SNTN: variants seen among roughly 807,000 people sequenced by gnomAD.
SNTN encodes the protein sentan.
Under a neutral mutation model 12.3 loss-of-function variants are expected in SNTN, and 13 were observed. The observed-to-expected ratio is 1.05, with a 90% CI of 0.69 to 1.67. SNTN has a LOEUF of 1.67. Ranked by LOEUF, SNTN falls within the 40% of genes most tolerant of loss-of-function variation. The probability of loss-of-function intolerance (pLI) is 0.00; values close to 1 mark genes in which losing one functional copy is unlikely to be tolerated. For synonymous variants in SNTN, 69 were observed against 58.5 expected, an observed-to-expected ratio of 1.18 and a Z score of -0.82; for missense variants, 189 against 169.8, an observed-to-expected ratio of 1.11 and a Z score of -0.63.
Position 63,659,946 on chromosome 3 carries a change from C to G in SNTN, c.285+82C>G, listed in dbSNP as rs1260143673. 2.0e-6 allele frequency: 3 copies of G among 1,524,906 alleles called. No individual in the cohort carries two copies. In the African/African-American group the frequency reaches 4.1e-5, roughly 21 times the overall value. The allele number at this position is 1,524,906 out of a possible 1,614,324, so 94.5% of individuals were successfully genotyped here. A position where few individuals can be genotyped will look rare whatever the true frequency, so the allele number is the denominator to read the frequency against. On this transcript the variant is annotated intron_variant, in intron 3 of 3. Coordinates refer to ENST00000343837, the MANE Select transcript of SNTN (RefSeq NM_001080537.2). ...TGAGCAAATAACTCCAGCTCCAGGT[C>G]CCTGTCATGTTGTCTCACGTAACAA...
intron 3 of SNTN, among the ~76,000 whole-genome samples, chr3:63,663,171 T>C (rs993846173): frequency 3.3e-5 from 5 of 152,160 alleles, no homozygotes; most frequent in Admixed American, 3.3e-4. Context: ...AAAGGCAGAA[T>C]AGCTTAGCAG....
chr3:63,664,765 A>ATTTTG lies in SNTN; in HGVS notation c.*671_*675dup. On this transcript the variant is annotated 3_prime_UTR_variant, in exon 4 of 4. Coordinates refer to ENST00000343837, the MANE Select transcript of SNTN (RefSeq NM_001080537.2). ...ATTTTATTTTATTTTATTTTATTTT[A>ATTTTG]TTTTGAGACAGAGTTTTGCTCTTGT... 1 of 142,372 alleles carries ATTTTG rather than the reference A, an allele frequency of 7.0e-6. No homozygotes were observed. The highest frequency in any genetic ancestry group is 2.1e-4 in the South Asian group (1 of 4,692). 8.8% of individuals were successfully genotyped at this position (142,372 alleles called of 1,614,324 possible).
intron 3 of SNTN, chr3:63,663,708 CT>C (rs1356411823): frequency 1.5e-6 from 1 of 652,984 alleles, no homozygotes; most frequent in Admixed American, 2.1e-5. Flanking sequence ...TCCCCTTCAC[CT>C]TCTACCATGA....
intron 3 of SNTN, among the ~76,000 whole-genome samples, chr3:63,663,328 A>G (rs1161204449): frequency 2.0e-5 from 3 of 152,188 alleles, no homozygotes; most frequent in Non-Finnish European, 4.4e-5. Flanking sequence ...ATATTCAATA[A>G]GGTCACTATG....
At chr3:63,656,591 T>A (rs1486146109) in intron 2 of SNTN, among the ~76,000 whole-genome samples, 1 of 152,232 alleles carries the variant, frequency 6.6e-6, no homozygotes, top group African/African-American at 2.4e-5. Flanking sequence ...AAATTAACTT[T>A]TACCTGTTTA....
intron 2 of SNTN, among the ~76,000 whole-genome samples, chr3:63,658,810 CATT>C (rs1700710576): frequency 6.6e-6 from 1 of 152,152 alleles, no homozygotes; most frequent in Non-Finnish European, 1.5e-5. Context: ...TTGAAACTGT[CATT>C]GTTGCACATT....
At chr3:63,661,651 T>C (rs1700744989) in intron 3 of SNTN, among the ~76,000 whole-genome samples, 1 of 148,852 alleles carries the variant, frequency 6.7e-6, no homozygotes, top group Non-Finnish European at 1.5e-5. Flanking sequence ...AACATGTATT[T>C]TTCTGATTTT....
At chr3:63,654,855 T>C (rs1700659402) in intron 2 of SNTN, 59 bp downstream of exon 2, 1 of 1,485,854 alleles carries the variant, frequency 6.7e-7, no homozygotes, top group African/African-American at 1.5e-5. Flanking sequence ...GCATGCCAAG[T>C]GTTAAAAAAA....
intron 2 of SNTN, among the ~76,000 whole-genome samples, chr3:63,658,047 C>T (rs548363045): frequency 6.6e-6 from 1 of 152,200 alleles, no homozygotes; most frequent in Non-Finnish European, 1.5e-5. Context: ...TTCCTTTACA[C>T]GGCCTACAAG....
chr3:63,654,270 G>A (rs1236718352), intron 1 of SNTN, among the ~76,000 whole-genome samples: 1 of 152,188 alleles, frequency 6.6e-6, no homozygotes, highest in Non-Finnish European at 1.5e-5. Context: ...AAACTTCAAA[G>A]TCTGAGCATT....
chr3:63,655,182 T>C (rs1412103420), intron 2 of SNTN, among the ~76,000 whole-genome samples: 1 of 152,194 alleles, frequency 6.6e-6, no homozygotes, highest in Non-Finnish European at 1.5e-5. Context: ...CAACTGCCTC[T>C]GTTGACTGAG....
At chr3:63,661,045 T>C (rs549104104) in intron 3 of SNTN, among the ~76,000 whole-genome samples, 6 of 152,384 alleles carry the variant, frequency 3.9e-5, no homozygotes, top group African/African-American at 1.4e-4. Flanking sequence ...AGTAAATTTT[T>C]ATAAGGACAC....
chr3:63,662,640 C>G (rs781178500), intron 3 of SNTN, among the ~76,000 whole-genome samples: 3 of 152,184 alleles, frequency 2.0e-5, no homozygotes, highest in East Asian at 3.9e-4. Flanking sequence ...ACACTCAGCT[C>G]TCCTGGAGGG....
At chr3:63,660,451 T>C (rs1300085128) in intron 3 of SNTN, among the ~76,000 whole-genome samples, 1 of 150,878 alleles carries the variant, frequency 6.6e-6, no homozygotes, top group Non-Finnish European at 1.5e-5. Context: ...GGGTTGGGGG[T>C]GGAATAGGAA....
chr3:63,663,497 A>G (rs562887470), intron 3 of SNTN, among the ~76,000 whole-genome samples: 7 of 152,150 alleles, frequency 4.6e-5, no homozygotes, highest in Admixed American at 2.6e-4. Flanking sequence ...TTGATCTCCA[A>G]TGTTGGAGGT....
At chr3:63,659,409 T>G (rs1325638594) in intron 2 of SNTN, among the ~76,000 whole-genome samples, 1 of 152,222 alleles carries the variant, frequency 6.6e-6, no homozygotes, top group Non-Finnish European at 1.5e-5. Context: ...TCTATCAATA[T>G]TTGTTGAATA....
chr3:63,660,926 G>A (rs561014035), intron 3 of SNTN, among the ~76,000 whole-genome samples: 2 of 151,998 alleles, frequency 1.3e-5, no homozygotes, highest in African/African-American at 4.8e-5. Flanking sequence ...CTCACCTAAG[G>A]GTATATTTCT....
chr3:63,660,529 T>A (rs1016556231), intron 3 of SNTN, among the ~76,000 whole-genome samples: 1 of 151,886 alleles, frequency 6.6e-6, no homozygotes, highest in South Asian at 2.1e-4. Flanking sequence ...ACTACGGCGG[T>A]GAAGATGGAG....
chr3:63,654,054 C>T (rs888220412), intron 1 of SNTN, among the ~76,000 whole-genome samples: 6 of 152,198 alleles, frequency 3.9e-5, no homozygotes, highest in African/African-American at 1.4e-4. Context: ...AGTGCCATTA[C>T]CCTCACTGTA....
Sources: allele counts gnomAD v4.1 joint callset (sites outside exome capture counted in the v4.1 genomes callset), GRCh38; gene constraint gnomAD v4.1.1; transcripts MANE v1.5; gene names NCBI Gene and HGNC (gene_info 2026-07-23, HGNC 2026-07-21).